The following GASK1A variants were observed in gnomAD, a reference collection of about 807,000 sequenced individuals.
GASK1A encodes Golgi-associated kinase 1A.
GASK1A carries 40 observed loss-of-function variants against 41.2 expected under a neutral mutation model. The ratio of observed to expected loss-of-function variants is 0.97; its 90% confidence interval spans 0.75 to 1.27. The LOEUF is 1.27. GASK1A is among the 50% of genes most tolerant of loss of function. The pLI, the probability that GASK1A is intolerant of heterozygous loss-of-function variation, is 0.00. For missense variants in GASK1A, 678 were observed against 745.1 expected (o/e 0.91, Z 1.05); for synonymous variants, 316 against 307.1 (o/e 1.03, Z -0.30).
intron 1 of GASK1A, among the ~76,000 whole-genome samples, chr3:43,014,251 A>G (rs1186545422): frequency 6.6e-6 from 1 of 152,008 alleles, no homozygotes; most frequent in African/African-American, 2.4e-5. Flanking sequence ...AGCCACAGGC[A>G]GGGTCAGTGA....
At chr3:43,043,828 C>T (rs994037419) in intron 2 of GASK1A, among the ~76,000 whole-genome samples, 2 of 152,072 alleles carry the variant, frequency 1.3e-5, no homozygotes, top group Admixed American at 6.6e-5. Flanking sequence ...GGAAAAAAAT[C>T]AAATCTTGAA....
At chr3:43,034,010 C>T (rs925259468) in intron 2 of GASK1A, among the ~76,000 whole-genome samples, 8 of 152,142 alleles carry the variant, frequency 5.3e-5, no homozygotes, top group African/African-American at 1.2e-4. Context: ...GCTTGAAATC[C>T]GTCAGGGTGT....
chr3:42,997,093 G>C (rs1307567709), intron 1 of GASK1A, among the ~76,000 whole-genome samples: 1 of 152,234 alleles, frequency 6.6e-6, no homozygotes, highest in African/African-American at 2.4e-5. Flanking sequence ...CAGGCCGAGG[G>C]GCCCTGTGAT....
chr3:43,006,715 C>T (rs1268159259), intron 1 of GASK1A, among the ~76,000 whole-genome samples: 1 of 152,146 alleles, frequency 6.6e-6, no homozygotes, highest in African/African-American at 2.4e-5. Flanking sequence ...GAGCCCGAGG[C>T]TGGAGGCTTA....
In GASK1A at chr3:43,053,613, C is replaced by A; in HGVS notation, c.1383C>A (p.Asn461Lys). Residue 461 changes from asparagine to lysine, a missense_variant, in exon 3 of 5, where the codon AAC becomes AAA. Asn to Lys is a moderately conservative substitution (Grantham distance 94). Coordinates refer to ENST00000430121, the MANE Select transcript of GASK1A (RefSeq NM_001129908.3). ...AGAGGCTCCGAGAGAAATGCCAGAA[C>A]CCAGCCGAGCTGCGGCTGGTCCACA... is the stretch of plus-strand genomic sequence containing the variant. ...VEERLREKCQNPAELRLVHIL... is the reference protein window; with the variant it reads ...VEERLREKCQKPAELRLVHIL... 1 of 1,551,724 alleles carries A rather than the reference C, an allele frequency of 6.4e-7. No homozygotes were observed. Among genetic ancestry groups the A allele is most frequent in the Non-Finnish European group, 8.7e-7 (1 of 1,146,990 alleles).
intron 1 of GASK1A, among the ~76,000 whole-genome samples, chr3:43,018,433 C>G (rs1263041637): frequency 6.6e-6 from 1 of 152,158 alleles, no homozygotes; most frequent in African/African-American, 2.4e-5. Flanking sequence ...TAATTCTTGA[C>G]ATGGGACTGG....
chr3:43,055,384 T>C (rs1233339995), intron 3 of GASK1A, 48 bp from the exon 4 acceptor site: 1 of 1,391,040 alleles, frequency 7.2e-7, no homozygotes, highest in Non-Finnish European at 1.0e-6. Context: ...GTGCCAGCCG[T>C]AGCTGCACCC....
intron 2 of GASK1A, among the ~76,000 whole-genome samples, chr3:43,034,700 A>C (rs1237289454): frequency 1.3e-5 from 2 of 152,204 alleles, no homozygotes; most frequent in African/African-American, 4.8e-5. Flanking sequence ...CTATTTTAGA[A>C]AATTCTTAGA....
chr3:42,983,060 A>G (rs1270759034), intron 1 of GASK1A, among the ~76,000 whole-genome samples: 2 of 152,188 alleles, frequency 1.3e-5, no homozygotes, highest in Admixed American at 1.3e-4. Context: ...GTCCTGTCAC[A>G]GTCACTACAG....
chr3:42,980,438 A>G (rs1429738788), intron 1 of GASK1A, among the ~76,000 whole-genome samples: 3 of 152,158 alleles, frequency 2.0e-5, no homozygotes, highest in Non-Finnish European at 2.9e-5. Context: ...CTGCAACCCC[A>G]ACTGGGCTCC....
intron 3 of GASK1A, 69 bp from the exon 4 acceptor site, chr3:43,055,363 C>A: frequency 1.7e-6 from 2 of 1,158,598 alleles, no homozygotes; most frequent in South Asian, 1.4e-5. Context: ...TAATCTTGAC[C>A]AAGTCCATAG....
chr3:43,032,346 T>C lies in GASK1A; in HGVS notation c.83T>C (p.Met28Thr). ...TGCCTCTTGATGATCCTATCTGCGA[T>C]GGCTGTCACCCGCTTTCCCCCACAG... ...AFCLLMILSA[M>T]AVTRFPPQRP... The change falls in exon 2 of 5, where the codon ATG becomes ACG. Residue 28 changes from methionine (M) to threonine (T), a missense_variant. Transcript: ENST00000430121. 6.4e-7 allele frequency: 1 copy of C among 1,551,466 alleles called. No individual in the cohort carries two copies. The highest frequency in any genetic ancestry group is 1.7e-4 in the Middle Eastern group (1 of 5,992).
At chr3:43,010,048 A>G (rs2089455672) in intron 1 of GASK1A, among the ~76,000 whole-genome samples, 1 of 152,078 alleles carries the variant, frequency 6.6e-6, no homozygotes, top group South Asian at 2.1e-4. Context: ...TCACCCCTAC[A>G]CTGTTCCTTT....
intron 1 of GASK1A, 25 bp from the exon 2 acceptor site, chr3:43,032,242 C>T (rs1324977787): frequency 6.7e-7 from 1 of 1,482,196 alleles, no homozygotes; most frequent in African/African-American, 1.4e-5. Flanking sequence ...AGATCTCAAG[C>T]TTTTCTTTCT....
At chr3:43,052,080 G>T (rs74577631) in intron 2 of GASK1A, among the ~76,000 whole-genome samples, 1 of 152,274 alleles carries the variant, frequency 6.6e-6, no homozygotes, top group Admixed American at 6.5e-5. Context: ...CCTCCCCACT[G>T]ACTTTCACCA....
intron 4 of GASK1A, chr3:43,055,746 G>T (rs907435342): frequency 7.3e-6 from 4 of 550,976 alleles, no homozygotes; most frequent in Non-Finnish European, 1.3e-5. Context: ...AGAGGGCCTC[G>T]TGCCTGCAGA....
intron 1 of GASK1A, among the ~76,000 whole-genome samples, chr3:42,999,108 C>A (rs2089392869): frequency 6.6e-6 from 1 of 151,866 alleles, no homozygotes; most frequent in Non-Finnish European, 1.5e-5. Flanking sequence ...TTCTCTTTTC[C>A]TTTTCTTTCC....
chr3:43,056,196 A>G lies in GASK1A; in HGVS notation c.1538A>G (p.Lys513Arg). The G allele has an allele frequency of 6.4e-7, 1 of 1,551,244 alleles. No individual in the cohort carries two copies. The highest frequency in any genetic ancestry group is 8.7e-7 in the Non-Finnish European group (1 of 1,146,654). ...TCCAGGTTTCCTGAGTCTGCCGTGA[A>G]GGTTCTCGCATCAGGGTGTCTACAG... ...GIDGFPESAV[K>R]VLASGCLQNM... is the part of the protein sequence containing the mutation. The change falls in exon 5 of 5, where the codon AAG (lysine) becomes AGG (arginine). Residue 513 changes from lysine (K) to arginine (R), a missense_variant. Lys to Arg is a conservative substitution (Grantham distance 26). Coordinates refer to ENST00000430121, the MANE Select transcript of GASK1A (RefSeq NM_001129908.3).
chr3:43,052,597 G>A (rs955324662), intron 2 of GASK1A, among the ~76,000 whole-genome samples: 2 of 151,984 alleles, frequency 1.3e-5, no homozygotes, highest in Non-Finnish European at 2.9e-5. Context: ...CTGCTCAGCC[G>A]CCCTCGCTTC....
Sources: gnomAD v4.1 joint callset for allele counts (sites outside exome capture counted in the v4.1 genomes callset) on GRCh38, gnomAD v4.1.1 for gene constraint, MANE v1.5 for transcripts, NCBI Gene and HGNC (gene_info 2026-07-23, HGNC 2026-07-21) for gene names.